Variants in GPR137 observed in about 807,000 individuals in gnomAD.
The protein encoded by GPR137 is integral membrane protein GPR137.
A neutral mutation model predicts 38.9 loss-of-function variants in GPR137; 20 were observed. The ratio of observed to expected loss-of-function variants is 0.51; its 90% CI spans 0.36 to 0.75. The LOEUF (loss-of-function observed/expected upper bound fraction) is 0.75, where lower values mean the gene tolerates loss of function less well. Among genes scored for constraint, GPR137 ranks in the 30% least tolerant of loss-of-function variants. The pLI is 0.00. For missense variants in GPR137, 456 were observed against 526.4 expected (o/e 0.87, Z 1.31); for synonymous variants, 226 against 235.8 (o/e 0.96, Z 0.38).
Position 64,286,237 on chromosome 11 carries a change from A to C in GPR137, c.-288A>C. 1.7e-6 allele frequency: 2 copies of C among 1,211,130 alleles called. No homozygotes were observed. The highest frequency in any genetic ancestry group is 1.0e-6 in the Non-Finnish European group (1 of 971,086). The allele number at this position is 1,211,130 out of a possible 1,614,324, so 75.0% of individuals were successfully genotyped here. A position where few individuals can be genotyped will look rare whatever the true frequency, so the allele number is the denominator to read the frequency against. ...ATCCCCCCATCCTTGGCTCTGGGGT[A>C]GGCCCAGGGAGGAGACACCCCCAAC... On this transcript the variant is annotated 5_prime_UTR_variant, in exon 1 of 7. The change abolishes the stop of an existing upstream ORF in the 5' untranslated region. Transcript: ENST00000438980.
upstream of GPR137, chr11:64,271,629 A>T: frequency 6.7e-7 from 1 of 1,500,136 alleles, no homozygotes. Flanking sequence ...GGAGTCCACA[A>T]ACTCGTCACT....
chr11:64,270,983 C>T (rs2032493645), upstream of GPR137, among the ~76,000 whole-genome samples: 1 of 58,246 alleles, frequency 1.7e-5, no homozygotes, highest in South Asian at 8.5e-4. Context: ...GTGACACACA[C>T]ACACACACAC....
upstream of GPR137, chr11:64,284,047 G>T: frequency 3.6e-6 from 4 of 1,098,722 alleles, no homozygotes; most frequent in Non-Finnish European, 5.1e-6. Flanking sequence ...GCTGTTTTAC[G>T]AAAGAGGAAA....
chr11:64,283,680 C>T (rs929589195), upstream of GPR137, among the ~76,000 whole-genome samples: 9 of 152,246 alleles, frequency 5.9e-5, no homozygotes, highest in Non-Finnish European at 1.2e-4. Flanking sequence ...TTCCAGCCCC[C>T]ACATTCTAAG....
Position 64,288,609 on chromosome 11 carries a change from A to G in GPR137, c.919A>G (p.Ser307Gly), listed in dbSNP as rs2034416536. 3 of 1,613,366 alleles carry G rather than the reference A, an allele frequency of 1.9e-6. No homozygotes were observed. In the South Asian group the frequency reaches 3.3e-5, roughly 18 times the overall value. ...VHRPPQDLST[S>G]HILNGQVFAS... is the part of the protein sequence containing the mutation. ...TGATGGCTTCCTCCCCCAGAGCACC[A>G]GCCACATCCTCAATGGGCAGGTCTT... The change falls in exon 6 of 7, where the codon AGC (serine) becomes GGC (glycine). Residue 307 changes from serine (S) to glycine (G), a missense_variant. Coordinates refer to ENST00000438980, the MANE Select transcript of GPR137 (RefSeq NM_001170880.2). This position sits in a 1 kb window ranked among gnomAD's most constrained non-coding sequence, Gnocchi z 5.5.
chr11:64,271,720 T>A, upstream of GPR137: 1 of 1,462,410 alleles, frequency 6.8e-7, no homozygotes. Context: ...CGAAAGGGGC[T>A]GGGCTCCTCC....
chr11:64,288,753 G>GGCCCCC lies in GPR137; in HGVS notation c.1031+32_1031+33insGCCCCC. On this transcript the variant is annotated intron_variant, in intron 6 of 6. Transcript: ENST00000438980. This position sits in a 1 kb window ranked among gnomAD's most constrained non-coding sequence, Gnocchi z 5.5. ...GCCGTGGCACTGCCTCAGTACCCCT[G>GGCCCCC]CCCTACCCGCCCACCCCGCTGGCTC... The GGCCCCC allele has an allele frequency of 6.9e-7, 1 of 1,451,324 alleles. No homozygotes were observed. Among genetic ancestry groups the GGCCCCC allele is most frequent in the Non-Finnish European group, 9.3e-7 (1 of 1,079,922 alleles). The allele number at this position is 1,451,324 out of a possible 1,614,324, so 89.9% of individuals were successfully genotyped here. A position where few individuals can be genotyped will look rare whatever the true frequency, so the allele number is the denominator to read the frequency against.
upstream of GPR137, chr11:64,271,472 TG>T: frequency 1.2e-6 from 1 of 861,618 alleles, no homozygotes; most frequent in Non-Finnish European, 1.6e-6. Flanking sequence ...CAGAATGCTC[TG>T]GAGCTAGGAA....
chr11:64,287,561 C>T, intron 2 of GPR137, 160 bp from the exon 3 acceptor site: 3 of 917,126 alleles, frequency 3.3e-6, no homozygotes, highest in Non-Finnish European at 2.6e-6. Flanking sequence ...CACCTTCTGA[C>T]CTTTTTGGGC....
At chr11:64,273,473 A>C (rs888766238), upstream of GPR137, among the ~76,000 whole-genome samples, 2 of 152,166 alleles carry the variant, frequency 1.3e-5, no homozygotes, top group Non-Finnish European at 2.9e-5. Context: ...GGTCTATTTG[A>C]ACTGTGCTCT....
chr11:64,288,684 G>T lies in GPR137; in HGVS notation c.994G>T (p.Gly332Cys). Reference protein sequence around the residue: ...FDRAGHCEDEGCSWEHSRGES... With the variant: ...FDRAGHCEDECCSWEHSRGES... Reference sequence around the variant, plus strand: ...CCGGGCTGGGCACTGTGAAGATGAGGGCTGCTCCTGGGAGCACAGCCGGGG... The same window carrying T: ...CCGGGCTGGGCACTGTGAAGATGAGTGCTGCTCCTGGGAGCACAGCCGGGG... The change falls in exon 6 of 7, where the codon GGC (glycine) becomes TGC (cysteine). Residue 332 changes from glycine to cysteine, a missense_variant. Physicochemically the swap from Gly to Cys is radical, Grantham distance 159. Transcript: ENST00000438980. The surrounding 1 kb of genome is among the most constrained non-coding windows in gnomAD (Gnocchi z 5.5). 6.3e-7 allele frequency: 1 copy of T among 1,585,968 alleles called. No homozygotes were observed.
chr11:64,276,968 G>C (rs1025281278), intron 2 of GPR137: 6 of 745,958 alleles, frequency 8.0e-6, no homozygotes, highest in Non-Finnish European at 1.0e-5. Flanking sequence ...CATCCCTGCT[G>C]ATGCTTCCGC....
At chr11:64,270,695 T>A, upstream of GPR137, 1 of 521,094 alleles carries the variant, frequency 1.9e-6, no homozygotes. Context: ...TTTGGGAGGT[T>A]GAAGCGGGAG....
Position 64,288,925 on chromosome 11 carries a change from C to T in GPR137, c.1032-112C>T. 4.9e-6 allele frequency: 7 copies of T among 1,443,048 alleles called. No individual in the cohort carries two copies. The highest frequency in any genetic ancestry group is 6.3e-6 in the Non-Finnish European group (7 of 1,103,418). The allele number at this position is 1,443,048 out of a possible 1,614,324, so 89.4% of individuals were successfully genotyped here. A position where few individuals can be genotyped will look rare whatever the true frequency, so the allele number is the denominator to read the frequency against. On this transcript the variant is annotated intron_variant, in intron 6 of 6. Transcript: ENST00000438980. This position sits in a 1 kb window ranked among gnomAD's most constrained non-coding sequence, Gnocchi z 5.5. ...GCCTAGAGATGTACTTTGTCCTGGG[C>T]CCCGAAGGTCTAGGTCACAGGGGTT...
upstream of GPR137, chr11:64,285,760 G>C: frequency 1.0e-6 from 1 of 985,386 alleles, no homozygotes; most frequent in Non-Finnish European, 1.2e-6. Flanking sequence ...TTCACGCCGG[G>C]TGCGGCGCTG....
chr11:64,274,916 C>T (rs762260978), upstream of GPR137, among the ~76,000 whole-genome samples: 15 of 132,310 alleles, frequency 1.1e-4, no homozygotes, highest in African/African-American at 4.3e-4. Flanking sequence ...ACCTGGGAGG[C>T]GGAGGTTGCA....
Position 64,285,951 on chromosome 11 carries a change from G to A in GPR137, c.-574G>A. ...TGGCGTCCGCCTCCTCCCTCCCCTT[G>A]AGGCTGGAGCGTGGACGCGGTGGGG... On this transcript the variant is annotated 5_prime_UTR_variant, in exon 1 of 7. Transcript: ENST00000438980. 1 of 968,306 alleles carries A rather than the reference G, an allele frequency of 1.0e-6. No individual in the cohort carries two copies. The highest frequency in any genetic ancestry group is 1.2e-6 in the Non-Finnish European group (1 of 814,372). 60.0% of individuals were successfully genotyped at this position (968,306 alleles called of 1,614,324 possible).
chr11:64,284,457 C>T (rs2033714672), upstream of GPR137: 2 of 1,599,052 alleles, frequency 1.3e-6, no homozygotes, highest in Non-Finnish European at 1.7e-6. Flanking sequence ...GTACCCCTGG[C>T]TTCCTCTCCC....
In GPR137 at chr11:64,288,832, G is replaced by A. The variant is rs2034456064; in HGVS notation, c.1031+111G>A. 6.9e-7 allele frequency: 1 copy of A among 1,446,502 alleles called. No homozygotes were observed. The allele number at this position is 1,446,502 out of a possible 1,614,324, so 89.6% of individuals were successfully genotyped here. A position where few individuals can be genotyped will look rare whatever the true frequency, so the allele number is the denominator to read the frequency against. ...GGGTCTTGCCTTCCACCCCTGCCATGGCCTTTGCTTCCCCATCTGTACTAG... is the reference window on the plus strand; with the variant it reads ...GGGTCTTGCCTTCCACCCCTGCCATAGCCTTTGCTTCCCCATCTGTACTAG... On this transcript the variant is annotated intron_variant, in intron 6 of 6. Transcript: ENST00000438980. The surrounding 1 kb of genome is among the most constrained non-coding windows in gnomAD (Gnocchi z 5.5).
Sources: gnomAD v4.1 joint callset for allele counts (sites outside exome capture counted in the v4.1 genomes callset) on GRCh38, gnomAD v4.1.1 for gene constraint, Gnocchi (gnomAD v3.1) non-coding constraint, MANE v1.5 for transcripts, NCBI Gene and HGNC (gene_info 2026-07-23, HGNC 2026-07-21) for gene names.